The following BRWD1 variants were observed in gnomAD, a reference collection of about 807,000 sequenced individuals.
The protein encoded by BRWD1 is bromodomain and WD repeat domain containing 1.
BRWD1 carries 82 observed loss-of-function variants against 251.2 expected under a neutral mutation model. The observed-to-expected ratio is 0.33, with a 90% CI of 0.27 to 0.39. The LOEUF is 0.39. Ranked by LOEUF, BRWD1 falls within the 10% of genes least tolerant of loss-of-function variation. The pLI is 1.00. For synonymous variants in BRWD1, 918 were observed against 902.8 expected (o/e 1.02, Z -0.30); for missense variants, 2,233 against 2,711.6 (o/e 0.82, Z 3.92).
intron 25 of BRWD1, among the ~76,000 whole-genome samples, chr21:39,230,422 T>C (rs1003430361): frequency 1.3e-5 from 2 of 152,248 alleles, no homozygotes; most frequent in African/African-American, 4.8e-5. Flanking sequence ...TTATGTTCTA[T>C]AGTCACCTAG....
Position 39,200,921 on chromosome 21 carries a change from T to C in BRWD1, c.4586-535A>G, listed in dbSNP as rs377646899. 1.1e-4 allele frequency among the ~76,000 whole-genome samples: 16 copies of C among 152,012 alleles called. No homozygotes were observed. In the East Asian group the frequency reaches 1.7e-3, roughly 17 times the overall value. On this transcript the variant is annotated intron_variant, in intron 38 of 40. Coordinates refer to ENST00000342449, the MANE Select transcript of BRWD1 (RefSeq NM_033656.4). ...ATCACTTGAACCCAGGAGGGGAAGGTAGCAGTGAGCCAAGATCGTGCCACT... is the reference window on the plus strand; with the variant it reads ...ATCACTTGAACCCAGGAGGGGAAGGCAGCAGTGAGCCAAGATCGTGCCACT...
intron 4 of BRWD1, among the ~76,000 whole-genome samples, chr21:39,310,090 A>C (rs899281590): frequency 6.6e-6 from 1 of 152,260 alleles, no homozygotes; most frequent in Non-Finnish European, 1.5e-5. Flanking sequence ...TGAAGTTGGA[A>C]AATGGGCACC....
chr21:39,254,270 T>G (rs867924495), intron 19 of BRWD1, among the ~76,000 whole-genome samples: 1 of 152,096 alleles, frequency 6.6e-6, no homozygotes, highest in South Asian at 2.1e-4. Context: ...CTCAAAAAAA[T>G]AAAAGAAATA....
intron 36 of BRWD1, 70 bp from the exon 37 acceptor site, chr21:39,206,344 A>T: frequency 1.7e-6 from 2 of 1,175,590 alleles, no homozygotes; most frequent in Non-Finnish European, 2.4e-6. Flanking sequence ...AATTGTAATC[A>T]TTGAGATCCC....
intron 37 of BRWD1, among the ~76,000 whole-genome samples, chr21:39,205,308 C>T (rs139344723): frequency 2.6e-3 from 394 of 152,132 alleles, no homozygotes; most frequent in African/African-American, 9.0e-3. Flanking sequence ...CCCATCTATA[C>T]AAAAAATAAT....
chr21:39,232,548 G>A lies in BRWD1; in HGVS notation c.2767-50C>T, dbSNP rs760185381. The A allele has an allele frequency of 2.6e-6, 4 of 1,554,820 alleles. No homozygotes were observed. In the South Asian group the frequency reaches 3.8e-5, roughly 15 times the overall value. On this transcript the variant is annotated intron_variant, in intron 23 of 40. Coordinates refer to ENST00000342449, the MANE Select transcript of BRWD1 (RefSeq NM_033656.4). The stretch of plus-strand genomic sequence containing the variant: ...TTCTTAGATTAGAAAGGGGCAGCAT[G>A]CACTGTCTGAATGAAAAATAAAAGA...
At chr21:39,218,067 C>G (rs1196796527) in intron 31 of BRWD1, 85 bp downstream of exon 31, 7 of 1,364,466 alleles carry the variant, frequency 5.1e-6, no homozygotes, top group Non-Finnish European at 6.8e-6. Flanking sequence ...GCCCCCAATT[C>G]TACCACTATC....
chr21:39,232,198 T>A lies in BRWD1; in HGVS notation c.2979A>T (p.Pro993=). 1 of 1,612,020 alleles carries A rather than the reference T, an allele frequency of 6.2e-7. No individual in the cohort carries two copies. The highest frequency in any genetic ancestry group is 8.5e-7 in the Non-Finnish European group (1 of 1,178,604). ...CTACCCTAAGATCCATTTTTCTCCA[T>A]GGCTCCTTATTAGGGTTCAGTTCAT... ...NIYELNPNKE[P]WRKMDLRDQE... is the part of the protein sequence containing the mutation. The change falls in exon 25 of 41, where the codon CCA becomes CCT. Residue 993 remains proline (P), a synonymous_variant. Transcript: ENST00000342449.
chr21:39,298,218 CTA>C (rs2036009396), intron 5 of BRWD1: 1 of 1,204,096 alleles, frequency 8.3e-7, no homozygotes, highest in East Asian at 3.6e-5. Flanking sequence ...AGCTTAACAT[CTA>C]TATCTTTATC....
At chr21:39,240,635 A>G (rs2033955873) in intron 21 of BRWD1, among the ~76,000 whole-genome samples, 1 of 152,258 alleles carries the variant, frequency 6.6e-6, no homozygotes, top group Non-Finnish European at 1.5e-5. Flanking sequence ...AACCAGGAGA[A>G]CGATTCAATA....
chr21:39,274,331 T>A, intron 13 of BRWD1, 43 bp downstream of exon 13: 1 of 1,423,576 alleles, frequency 7.0e-7, no homozygotes, highest in Non-Finnish European at 9.9e-7. Context: ...GAGAGACAGA[T>A]CGAACACCTA....
In BRWD1 at chr21:39,313,453, G is replaced by A. The variant is rs772715308; in HGVS notation, c.39C>T (p.Leu13=). ...EPSSARRPVP[L]IESELYFLIA... The stretch of plus-strand genomic sequence containing the variant: ...GGCCTCGCGTCTTACCCGACTCGAT[G>A]AGAGGCACCGGGCGTCGGGCGGACG... The change falls in exon 1 of 41, where the codon CTC becomes CTT. Residue 13 remains leucine (L), a synonymous_variant. Transcript: ENST00000342449. 48 of 1,362,994 alleles carry A rather than the reference G, an allele frequency of 3.5e-5. No homozygotes were observed. The highest frequency in any genetic ancestry group is 6.1e-5 in the African/African-American group (4 of 65,144). The allele number at this position is 1,362,994 out of a possible 1,614,324, so 84.4% of individuals were successfully genotyped here. A position where few individuals can be genotyped will look rare whatever the true frequency, so the allele number is the denominator to read the frequency against.
At chr21:39,301,983 T>TTG (rs2036131417) in intron 4 of BRWD1, among the ~76,000 whole-genome samples, 3 of 135,572 alleles carry the variant, frequency 2.2e-5, no homozygotes, top group Admixed American at 7.3e-5. Flanking sequence ...TGTGTGTTTT[T>TTG]TTTTTTTTTT....
chr21:39,268,040 A>C (rs8130984), intron 15 of BRWD1, among the ~76,000 whole-genome samples: 45,593 of 152,068 alleles, frequency 0.3, 7,303 homozygotes, highest in Middle Eastern at 0.35. Context: ...AAAAAATACC[A>C]CTGTGTGCAA....
In BRWD1 at chr21:39,210,968, T is replaced by C. The variant is rs772830526; in HGVS notation, c.3901-39A>G. Reference sequence around the variant, plus strand: ...CACAGTCTTAAGAAAAATCACACTATTGGTGTAAGACTGTGGTAAAAATGT... The same window carrying C: ...CACAGTCTTAAGAAAAATCACACTACTGGTGTAAGACTGTGGTAAAAATGT... On this transcript the variant is annotated intron_variant, in intron 34 of 40. Coordinates refer to ENST00000342449, the MANE Select transcript of BRWD1 (RefSeq NM_033656.4). 1.4e-5 allele frequency: 23 copies of C among 1,591,928 alleles called. No individual in the cohort carries two copies. In the African/African-American group the frequency reaches 1.9e-4, roughly 13 times the overall value.
intron 19 of BRWD1, among the ~76,000 whole-genome samples, chr21:39,254,423 TA>T (rs61419609): frequency 0.92 from 140,613 of 152,240 alleles, 65,264 homozygotes; most frequent in African/African-American, 0.96. Context: ...CAGGGAGCCT[TA>T]GAAAAGAGGC....
upstream of BRWD1, among the ~76,000 whole-genome samples, chr21:39,318,035 G>T (rs8133927): frequency 0.51 from 77,457 of 151,564 alleles, 20,103 homozygotes; most frequent in African/African-American, 0.59. Context: ...GGGCAACAGA[G>T]CGAGACCCTG....
In BRWD1 at chr21:39,187,374, T is replaced by A. The variant is rs769111951; in HGVS notation, c.*8885A>T. ...CTGCATCCTTCTGATTATGCATACA[T>A]GTTCTCACTTTTGTATTGGGTTCTC... On this transcript the variant is annotated 3_prime_UTR_variant, in exon 41 of 41. Coordinates refer to ENST00000342449, the MANE Select transcript of BRWD1 (RefSeq NM_033656.4). The A allele has an allele frequency of 6.2e-7, 1 of 1,603,552 alleles. No individual in the cohort carries two copies. Among genetic ancestry groups the A allele is most frequent in the Admixed American group, 1.7e-5 (1 of 57,766 alleles).
intron 15 of BRWD1, among the ~76,000 whole-genome samples, chr21:39,268,470 T>C (rs80237722): frequency 0.013 from 1,768 of 141,364 alleles, 36 homozygotes; most frequent in African/African-American, 0.045. Context: ...ATTATCACCA[T>C]AGTAAGGGGA....
Sources: gnomAD v4.1 joint callset for allele counts (sites outside exome capture counted in the v4.1 genomes callset) on GRCh38, gnomAD v4.1.1 for gene constraint, MANE v1.5 for transcripts, NCBI Gene and HGNC (gene_info 2026-07-23, HGNC 2026-07-21) for gene names.